Variants in TBC1D9 observed in about 807,000 individuals in gnomAD.
The protein encoded by TBC1D9 is TBC1 domain family member 9A.
TBC1D9 carries 63 observed loss-of-function variants against 132.0 expected under a neutral mutation model. The observed-to-expected ratio is 0.48, with a 90% CI of 0.39 to 0.59. The LOEUF is 0.59. Ranked by LOEUF, TBC1D9 falls within the 20% of genes least tolerant of loss-of-function variation. The pLI is 0.00. For missense variants in TBC1D9, 1,261 were observed against 1,592.7 expected (o/e 0.79, Z 3.54); for synonymous variants, 610 against 609.9 (o/e 1.00, Z 0.00).
At chr4:140,631,964 T>TA (rs1736801867) in intron 16 of TBC1D9, among the ~76,000 whole-genome samples, 2 of 152,168 alleles carry the variant, frequency 1.3e-5, no homozygotes, top group African/African-American at 4.8e-5. Context: ...TCTCCATAAC[T>TA]ATAACTGACC....
At position 140,679,823 on chromosome 4, in the gene TBC1D9, G is replaced by A; in HGVS notation, c.381C>T (p.Asn127=). The change falls in exon 4 of 21, where the codon AAC becomes AAT. Residue 127 remains asparagine, a synonymous_variant. Coordinates refer to ENST00000442267, the MANE Select transcript of TBC1D9 (RefSeq NM_015130.3). ...GKIQGIIAEY[N]KINDVKEDDD... ...CATCTTCCTTTACATCATTGATTTT[G>A]TTGTATTCTGCAATGATGCCCTAAT... 6.2e-7 allele frequency: 1 copy of A among 1,612,440 alleles called. No homozygotes were observed. Among genetic ancestry groups the A allele is most frequent in the Non-Finnish European group, 8.5e-7 (1 of 1,179,416 alleles).
At chr4:140,689,789 C>T (rs1053751222) in intron 2 of TBC1D9, among the ~76,000 whole-genome samples, 2 of 138,622 alleles carry the variant, frequency 1.4e-5, no homozygotes, top group African/African-American at 2.7e-5. Context: ...GCTCTGTTGC[C>T]CACACTACAG....
chr4:140,668,690 G>A (rs1032921119), intron 9 of TBC1D9, among the ~76,000 whole-genome samples: 16 of 152,306 alleles, frequency 1.1e-4, no homozygotes, highest in South Asian at 2.1e-4. Flanking sequence ...ATAAAGACTC[G>A]AAGGATGGTG....
At chr4:140,712,726 G>C (rs1487218014) in intron 1 of TBC1D9, among the ~76,000 whole-genome samples, 3 of 147,180 alleles carry the variant, frequency 2.0e-5, no homozygotes, top group Non-Finnish European at 4.5e-5. Context: ...CCGGGCAAGA[G>C]AGTGAGACTC....
chr4:140,670,659 G>A, intron 7 of TBC1D9, 61 bp downstream of exon 7: 1 of 1,428,914 alleles, frequency 7.0e-7, no homozygotes. Flanking sequence ...GCAAGGAACT[G>A]AACACACTTG....
At chr4:140,734,557 T>C (rs186807895) in intron 1 of TBC1D9, among the ~76,000 whole-genome samples, 22 of 152,290 alleles carry the variant, frequency 1.4e-4, no homozygotes, top group African/African-American at 5.3e-4. Flanking sequence ...TTTGGAAGGC[T>C]GAGATTGGAA....
In TBC1D9 at chr4:140,703,824, G is replaced by A. The variant is rs146807265; in HGVS notation, c.131-2210C>T. Among the ~76,000 whole-genome samples, 894 of 152,210 alleles carry A rather than the reference G, an allele frequency of 5.9e-3. 4 individuals carry two copies. Among genetic ancestry groups the A allele is most frequent in the African/African-American group, 0.02 (815 of 41,502 alleles). On this transcript the variant is annotated intron_variant, in intron 1 of 20. Coordinates refer to ENST00000442267, the MANE Select transcript of TBC1D9 (RefSeq NM_015130.3). ...CTTACAGCCTGCAAAGTCTTCCAAG[G>A]GGGTAGAGTTCCACATTATATCACA...
At chr4:140,721,020 T>C (rs1379488433) in intron 1 of TBC1D9, among the ~76,000 whole-genome samples, 1 of 152,122 alleles carries the variant, frequency 6.6e-6, no homozygotes, top group African/African-American at 2.4e-5. Context: ...GCTCAGCCAG[T>C]CTTTGAAGAA....
chr4:140,750,667 T>C (rs1307333882), intron 1 of TBC1D9, among the ~76,000 whole-genome samples: 1 of 151,780 alleles, frequency 6.6e-6, no homozygotes, highest in Non-Finnish European at 1.5e-5. Flanking sequence ...GAATATACCA[T>C]GTTCATGGAT....
chr4:140,660,140 A>G (rs1737335062), intron 10 of TBC1D9, among the ~76,000 whole-genome samples: 1 of 152,262 alleles, frequency 6.6e-6, no homozygotes, highest in African/African-American at 2.4e-5. Flanking sequence ...AATCAGGTAC[A>G]CATGGCTCCA....
At chr4:140,663,359 G>C (rs1303426422) in intron 9 of TBC1D9, among the ~76,000 whole-genome samples, 2 of 152,166 alleles carry the variant, frequency 1.3e-5, no homozygotes, top group African/African-American at 4.8e-5. Flanking sequence ...CCTCATACCT[G>C]TCAGAATGGC....
intron 20 of TBC1D9, among the ~76,000 whole-genome samples, 163 bp from the exon 21 acceptor site, chr4:140,623,080 A>C (rs1736646928): frequency 6.6e-6 from 1 of 152,112 alleles, no homozygotes; most frequent in Non-Finnish European, 1.5e-5. Context: ...TGATGTTTCT[A>C]TTTTTAATTT....
At chr4:140,646,553 A>C (rs1027570015) in intron 13 of TBC1D9, among the ~76,000 whole-genome samples, 1 of 152,218 alleles carries the variant, frequency 6.6e-6, no homozygotes, top group South Asian at 2.1e-4. Context: ...CACTCTATAG[A>C]TCAGTCTGTG....
intron 13 of TBC1D9, among the ~76,000 whole-genome samples, chr4:140,656,666 T>C (rs1431303503): frequency 6.6e-6 from 1 of 152,242 alleles, no homozygotes; most frequent in Admixed American, 6.5e-5. Context: ...ACTTTCATGC[T>C]TTCCTTAATA....
chr4:140,746,351 A>T (rs1424828373), intron 1 of TBC1D9, among the ~76,000 whole-genome samples: 1 of 152,094 alleles, frequency 6.6e-6, no homozygotes. Flanking sequence ...TTCACCTGAG[A>T]TCCATTAAAC....
intron 18 of TBC1D9, 87 bp from the exon 19 acceptor site, chr4:140,624,475 C>T (rs976027554): frequency 8.4e-7 from 1 of 1,185,068 alleles, no homozygotes; most frequent in African/African-American, 1.5e-5. Context: ...ATAGAAGACT[C>T]TCTAAGTAGG....
At chr4:140,642,335 C>T in intron 13 of TBC1D9, 1 of 793,716 alleles carries the variant, frequency 1.3e-6, no homozygotes, top group South Asian at 1.5e-5. Flanking sequence ...CCACCCCTAT[C>T]TTCCTGGCTT....
Position 140,643,556 on chromosome 4 carries a change from T to C in TBC1D9, c.2338-4128A>G, listed in dbSNP as rs28401220. On this transcript the variant is annotated intron_variant, in intron 13 of 20. Coordinates refer to ENST00000442267, the MANE Select transcript of TBC1D9 (RefSeq NM_015130.3). ...CGGGCACGTCACAGTCTGACATTTC[T>C]AGGCTGGGCTGGGGCTCGCTCAGGG... The C allele has an allele frequency of 1.6e-3, 1,406 of 879,496 alleles. 18 individuals carry two copies. In the African/African-American group the frequency reaches 0.02, roughly 13 times the overall value. 54.5% of individuals were successfully genotyped at this position (879,496 alleles called of 1,614,324 possible). A position where few individuals can be genotyped will look rare whatever the true frequency, so the allele number is the denominator to read the frequency against.
chr4:140,719,799 C>T (rs546818239), intron 1 of TBC1D9, among the ~76,000 whole-genome samples: 28 of 152,278 alleles, frequency 1.8e-4, no homozygotes, highest in Non-Finnish European at 2.8e-4. Context: ...AGATGTTACA[C>T]GGTACTTACC....
Sources: gnomAD v4.1 joint callset for allele counts (sites outside exome capture counted in the v4.1 genomes callset) on GRCh38, gnomAD v4.1.1 for gene constraint, MANE v1.5 for transcripts, NCBI Gene and HGNC (gene_info 2026-07-23, HGNC 2026-07-21) for gene names.